Variants in PTPRD observed in about 807,000 individuals in gnomAD.
PTPRD encodes protein tyrosine phosphatase receptor type D, also known as receptor-type tyrosine-protein phosphatase delta.
Under a neutral mutation model 214.5 loss-of-function variants are expected in PTPRD, and 34 were observed. The observed-to-expected ratio is 0.16, with a 90% CI of 0.12 to 0.21. The LOEUF (loss-of-function observed/expected upper bound fraction) is 0.21. PTPRD is among the 10% of genes least tolerant of loss of function. The pLI is 1.00. For synonymous variants in PTPRD, 1,128 were observed against 845.7 expected (o/e 1.33, Z -5.79); for missense variants, 2,545 against 2,398.7 (o/e 1.06, Z -1.27).
At chr9:10,254,767 A>G (rs1412178334) in intron 3 of PTPRD, among the ~76,000 whole-genome samples, 1 of 152,138 alleles carries the variant, frequency 6.6e-6, no homozygotes, top group African/African-American at 2.4e-5. Context: ...GGGGTCACAA[A>G]GACTCAAATG....
intron 12 of PTPRD, chr9:8,713,863 G>A (rs1191977206): frequency 3.0e-5 from 38 of 1,281,686 alleles, no homozygotes; most frequent in Admixed American, 4.4e-5. Flanking sequence ...TCGCCCGGGT[G>A]CGCCCCAAAT....
intron 3 of PTPRD, among the ~76,000 whole-genome samples, chr9:10,268,688 A>C (rs528693984): frequency 1.3e-5 from 2 of 152,276 alleles, no homozygotes; most frequent in Admixed American, 6.5e-5. Context: ...CCTGTTTTTA[A>C]ATCCCCTTTC....
At chr9:10,228,524 A>C (rs570094020) in intron 3 of PTPRD, among the ~76,000 whole-genome samples, 6 of 152,056 alleles carry the variant, frequency 3.9e-5, no homozygotes, top group Admixed American at 3.3e-4. Context: ...GTAGAAAATG[A>C]CTTTTCGAAT....
At chr9:10,005,698 C>A (rs2096459222) in intron 4 of PTPRD, among the ~76,000 whole-genome samples, 1 of 151,984 alleles carries the variant, frequency 6.6e-6, no homozygotes, top group Non-Finnish European at 1.5e-5. Context: ...CACTATAAAA[C>A]CTTCTGGAAA....
chr9:8,901,235 G>A (rs962871956), intron 11 of PTPRD, among the ~76,000 whole-genome samples: 1 of 152,162 alleles, frequency 6.6e-6, no homozygotes, highest in East Asian at 1.9e-4. Flanking sequence ...TGCATCTTCT[G>A]TACTCTGATT....
At chr9:10,168,404 C>G (rs1302921904) in intron 3 of PTPRD, among the ~76,000 whole-genome samples, 2 of 152,098 alleles carry the variant, frequency 1.3e-5, no homozygotes, top group Non-Finnish European at 2.9e-5. Flanking sequence ...ACACTATTAT[C>G]TGCAGCACAA....
intron 3 of PTPRD, among the ~76,000 whole-genome samples, chr9:10,244,505 T>A (rs1386335516): frequency 1.3e-5 from 2 of 152,106 alleles, no homozygotes; most frequent in Non-Finnish European, 2.9e-5. Flanking sequence ...GAGATCTGAG[T>A]TTATAGTCAA....
At chr9:10,087,687 G>A (rs528369998) in intron 3 of PTPRD, among the ~76,000 whole-genome samples, 6 of 151,614 alleles carry the variant, frequency 4.0e-5, no homozygotes, top group Admixed American at 6.6e-5. Flanking sequence ...AGGTGGAACC[G>A]GGTGATTCAA....
intron 14 of PTPRD, among the ~76,000 whole-genome samples, chr9:8,554,973 A>G (rs554022695): frequency 6.8e-6 from 1 of 147,682 alleles, no homozygotes; most frequent in African/African-American, 2.7e-5. Context: ...TGAAAATCCA[A>G]TTATGTATAT....
intron 4 of PTPRD, among the ~76,000 whole-genome samples, chr9:9,966,274 A>G (rs917491477): frequency 6.6e-6 from 1 of 152,174 alleles, no homozygotes; most frequent in Admixed American, 6.5e-5. Context: ...ATTCTATGCA[A>G]TCACCTAAGT....
chr9:10,157,253 T>C (rs941206138), intron 3 of PTPRD, among the ~76,000 whole-genome samples: 7 of 152,318 alleles, frequency 4.6e-5, no homozygotes, highest in Middle Eastern at 3.4e-3. Flanking sequence ...CAGTGTGTTT[T>C]TGTGACAATT....
chr9:10,475,197 C>T (rs1046918174), intron 2 of PTPRD, among the ~76,000 whole-genome samples: 4 of 151,828 alleles, frequency 2.6e-5, no homozygotes, highest in African/African-American at 7.3e-5. Flanking sequence ...AATCCAGGAG[C>T]GGATTTTTTT....
At chr9:10,300,089 T>C (rs1188120084) in intron 3 of PTPRD, among the ~76,000 whole-genome samples, 1 of 152,194 alleles carries the variant, frequency 6.6e-6, no homozygotes, top group Non-Finnish European at 1.5e-5. Context: ...AATGTTACCA[T>C]TCCATCCTGA....
At chr9:10,025,151 T>A (rs1215102160) in intron 4 of PTPRD, among the ~76,000 whole-genome samples, 1 of 152,132 alleles carries the variant, frequency 6.6e-6, no homozygotes, top group Non-Finnish European at 1.5e-5. Context: ...TACCCAGTAA[T>A]GGGATGGCTA....
At chr9:10,209,546 CA>C (rs2099504875) in intron 3 of PTPRD, among the ~76,000 whole-genome samples, 1 of 152,098 alleles carries the variant, frequency 6.6e-6, no homozygotes, top group Admixed American at 6.6e-5. Context: ...AACTGGATTC[CA>C]GTAACATTGA....
At chr9:9,222,727 C>A (rs139619711) in intron 9 of PTPRD, among the ~76,000 whole-genome samples, 62 of 152,020 alleles carry the variant, frequency 4.1e-4, no homozygotes, top group African/African-American at 1.4e-3. Context: ...TAGGAGATCA[C>A]TGAAAATATC....
chr9:9,878,008 C>T (rs968584637), intron 5 of PTPRD, among the ~76,000 whole-genome samples: 6 of 151,158 alleles, frequency 4.0e-5, no homozygotes, highest in African/African-American at 1.2e-4. Flanking sequence ...CATGTTTGCC[C>T]TTCTCACTAT....
intron 14 of PTPRD, among the ~76,000 whole-genome samples, chr9:8,535,566 T>A (rs1333585655): frequency 1.3e-5 from 2 of 151,920 alleles, no homozygotes; most frequent in Admixed American, 6.6e-5. Flanking sequence ...AACCAACTGT[T>A]TTTCCCTATA....
At chr9:10,383,795 A>C (rs2154485570) in intron 2 of PTPRD, among the ~76,000 whole-genome samples, 1 of 151,986 alleles carries the variant, frequency 6.6e-6, no homozygotes, top group East Asian at 1.9e-4. Context: ...TCTAATCATA[A>C]GTTAGCATAA....
Sources: allele counts gnomAD v4.1 joint callset (sites outside exome capture counted in the v4.1 genomes callset), GRCh38; gene constraint gnomAD v4.1.1; transcripts MANE v1.5; gene names NCBI Gene and HGNC (gene_info 2026-07-23, HGNC 2026-07-21).